Variants in NOX4 observed in about 807,000 individuals in gnomAD.
NOX4 encodes NADPH oxidase 4, also known as kidney oxidase-1.
A neutral mutation model predicts 87.6 loss-of-function variants in NOX4; 69 were observed. That is an observed-to-expected ratio of 0.79 (90% CI 0.65 to 0.96). The LOEUF (loss-of-function observed/expected upper bound fraction) is 0.96. Ranked by LOEUF, NOX4 falls within the 40% of genes least tolerant of loss-of-function variation. The pLI, the probability that NOX4 is intolerant of heterozygous loss-of-function variation, is 0.00. For synonymous variants in NOX4, 275 were observed against 238.2 expected (o/e 1.15, Z -1.42); for missense variants, 680 against 681.5 (o/e 1.00, Z 0.02).
the NOX4 span, among the ~76,000 whole-genome samples, chr11:89,578,097 C>T: frequency 6.6e-6 from 1 of 151,298 alleles, no homozygotes; most frequent in African/African-American, 2.4e-5. Flanking sequence ...ACAATCCAAG[C>T]TTGCTCTTTT....
At chr11:89,406,999 C>A (rs1025796384) in intron 8 of NOX4, among the ~76,000 whole-genome samples, 2 of 151,944 alleles carry the variant, frequency 1.3e-5, no homozygotes, top group Admixed American at 1.3e-4. Context: ...AAGCCATATG[C>A]ACAAAGGTAC....
the NOX4 span, among the ~76,000 whole-genome samples, chr11:89,551,027 T>C: frequency 6.6e-6 from 1 of 152,186 alleles, no homozygotes; most frequent in Non-Finnish European, 1.5e-5. Flanking sequence ...CCAAAGTCAT[T>C]TATTAAATAG....
At chr11:89,574,108 G>T in the NOX4 span, among the ~76,000 whole-genome samples, 1 of 152,196 alleles carries the variant, frequency 6.6e-6, no homozygotes, top group East Asian at 1.9e-4. Flanking sequence ...CCTGGCACAG[G>T]CTGCCAAATT....
rs1159391268 is a variant in NOX4, at chr11:89,480,787, ATTT to A, written c.153+9668_153+9670del. 2.6e-5 allele frequency among the ~76,000 whole-genome samples: 4 copies of A among 152,206 alleles called. No homozygotes were observed. The East Asian group carries it at 7.7e-4, about 29-fold the overall frequency. On this transcript the variant is annotated intron_variant, in intron 2 of 17. Coordinates refer to ENST00000263317, the MANE Select transcript of NOX4 (RefSeq NM_016931.5). ...AAAGCTAGCTCTAGCTATTATTATTATTTATTTTAATTTTCTTTAAAATTTATA... is the reference window on the plus strand; with the variant it reads ...AAAGCTAGCTCTAGCTATTATTATTAATTTTAATTTTCTTTAAAATTTATA...
chr11:89,333,786 T>G (rs2070636849), intron 17 of NOX4, among the ~76,000 whole-genome samples: 1 of 151,774 alleles, frequency 6.6e-6, no homozygotes, highest in Admixed American at 6.6e-5. Flanking sequence ...TGATCCATTC[T>G]TTTCCTAAGT....
chr11:89,484,541 G>A (rs1003833968), intron 2 of NOX4, among the ~76,000 whole-genome samples: 9 of 151,906 alleles, frequency 5.9e-5, no homozygotes, highest in Admixed American at 3.9e-4. Context: ...TCATTATAGT[G>A]GCTAATATTG....
the NOX4 span, among the ~76,000 whole-genome samples, chr11:89,560,534 T>G: frequency 6.6e-6 from 1 of 152,060 alleles, no homozygotes; most frequent in African/African-American, 2.4e-5. Context: ...CCATGAGGTA[T>G]GTCTGTGAGG....
intron 2 of NOX4, among the ~76,000 whole-genome samples, chr11:89,489,599 G>T (rs970964221): frequency 2.6e-5 from 4 of 151,708 alleles, no homozygotes; most frequent in African/African-American, 9.7e-5. Context: ...GTGCTGGTGC[G>T]TGCCTGTAGT....
At chr11:89,374,305 T>C (rs2135064184) in intron 11 of NOX4, among the ~76,000 whole-genome samples, 1 of 152,270 alleles carries the variant, frequency 6.6e-6, no homozygotes, top group South Asian at 2.1e-4. Flanking sequence ...ACATAAGCAT[T>C]GTCCTACAGA....
intron 7 of NOX4, 125 bp downstream of exon 7, chr11:89,432,659 C>A: frequency 1.6e-6 from 1 of 633,910 alleles, no homozygotes; most frequent in Non-Finnish European, 2.8e-6. Flanking sequence ...AGCTATACTT[C>A]ACTCTTACTT....
chr11:89,516,624 A>G, the NOX4 span, among the ~76,000 whole-genome samples: 1 of 152,082 alleles, frequency 6.6e-6, no homozygotes, highest in East Asian at 1.9e-4. Context: ...CTGATCTCTG[A>G]CTGCATTTCT....
the NOX4 span, among the ~76,000 whole-genome samples, chr11:89,573,728 A>T: frequency 6.6e-6 from 1 of 152,204 alleles, no homozygotes; most frequent in Non-Finnish European, 1.5e-5. Flanking sequence ...AAAAAAGGAA[A>T]GATCACTTGG....
intron 8 of NOX4, among the ~76,000 whole-genome samples, chr11:89,409,527 T>A (rs2135219242): frequency 6.6e-6 from 1 of 152,316 alleles, no homozygotes; most frequent in South Asian, 2.1e-4. Context: ...ATGTAAGGCA[T>A]CGTTAATGGG....
In NOX4 at chr11:89,334,319, T is replaced by C. The variant is rs60816191; in HGVS notation, c.1616+1526A>G. On this transcript the variant is annotated intron_variant, in intron 17 of 17. Transcript: ENST00000263317. ...TGGGTTGAAATCATTTTTTTCTAAA[T>C]TTCAACTCTGAATATTACAAAAAAG... 6.8e-3 allele frequency among the ~76,000 whole-genome samples: 1,038 copies of C among 151,878 alleles called. 14 individuals carry two copies. The highest frequency in any genetic ancestry group is 0.023 in the African/African-American group (966 of 41,504).
intron 11 of NOX4, among the ~76,000 whole-genome samples, chr11:89,377,027 C>A (rs1396288220): frequency 1.3e-5 from 2 of 152,154 alleles, no homozygotes; most frequent in Non-Finnish European, 2.9e-5. Context: ...CACTGCAGTC[C>A]AGCCTGGGCG....
chr11:89,551,317 G>GT, the NOX4 span, among the ~76,000 whole-genome samples: 30 of 152,212 alleles, frequency 2.0e-4, no homozygotes, highest in African/African-American at 6.5e-4. Context: ...ATTTAAAGTA[G>GT]TTTTTTTCTC....
At chr11:89,449,288 T>A (rs2135381837) in intron 4 of NOX4, 152 bp downstream of exon 4, 3 of 572,490 alleles carry the variant, frequency 5.2e-6, no homozygotes, top group East Asian at 5.8e-5. Context: ...TGTTAATATA[T>A]CTGCAGGCAA....
At chr11:89,451,694 A>G in intron 3 of NOX4, 91 bp downstream of exon 3, 1 of 850,434 alleles carries the variant, frequency 1.2e-6, no homozygotes, top group Non-Finnish European at 2.0e-6. Context: ...CTCCAGTCAA[A>G]AGTCAGACTA....
At chr11:89,416,971 T>C (rs1414769791) in intron 8 of NOX4, among the ~76,000 whole-genome samples, 1 of 152,196 alleles carries the variant, frequency 6.6e-6, no homozygotes, top group African/African-American at 2.4e-5. Context: ...TAATGTGCTG[T>C]CATTGTCATC....
Sources: gnomAD v4.1 joint callset for allele counts (sites outside exome capture counted in the v4.1 genomes callset) on GRCh38, gnomAD v4.1.1 for gene constraint, MANE v1.5 for transcripts, NCBI Gene and HGNC (gene_info 2026-07-23, HGNC 2026-07-21) for gene names.